Variants in ANKS1B observed in about 807,000 individuals in gnomAD.
ANKS1B encodes ankyrin repeat and sterile alpha motif domain containing 1B.
Under a neutral mutation model 148.3 loss-of-function variants are expected in ANKS1B, and 36 were observed. That is an observed-to-expected ratio of 0.24 (90% CI 0.19 to 0.32). The LOEUF (loss-of-function observed/expected upper bound fraction) is 0.32, where lower values mean the gene tolerates loss of function less well. ANKS1B is among the 10% of genes least tolerant of loss of function. The pLI is 1.00. For synonymous variants in ANKS1B, 542 were observed against 560.8 expected, an observed-to-expected ratio of 0.97 and a Z score of 0.47; for missense variants, 1,157 against 1,542.6, an observed-to-expected ratio of 0.75 and a Z score of 4.19.
intron 14 of ANKS1B, among the ~76,000 whole-genome samples, chr12:99,170,408 G>T (rs569685): frequency 0.84 from 127,242 of 152,196 alleles, 53,653 homozygotes; most frequent in East Asian, 0.99. Context: ...CTTGTTTCTG[G>T]GGGCTTAGTT....
Position 99,371,561 on chromosome 12 carries a change from T to G in ANKS1B, c.1756+28070A>C, listed in dbSNP as rs552732347. 1.1e-4 allele frequency among the ~76,000 whole-genome samples: 17 copies of G among 151,358 alleles called. No individual in the cohort carries two copies. The South Asian group carries it at 3.5e-3, about 31-fold the overall frequency. ...GGTCACAGTACCCAGTATACACATG[T>G]GCACACACACACACACACATATACA... is the stretch of plus-strand genomic sequence containing the variant. On this transcript the variant is annotated intron_variant, in intron 12 of 26. Coordinates refer to ENST00000683438, the MANE Select transcript of ANKS1B (RefSeq NM_001352186.2).
intron 16 of ANKS1B, among the ~76,000 whole-genome samples, chr12:99,083,277 G>C (rs544271243): frequency 1.1e-3 from 162 of 152,268 alleles, no homozygotes; most frequent in African/African-American, 3.5e-3. Context: ...GGATAGGAGA[G>C]TACAAAACCT....
At chr12:99,958,066 G>A (rs965899306) in intron 1 of ANKS1B, among the ~76,000 whole-genome samples, 3 of 152,188 alleles carry the variant, frequency 2.0e-5, no homozygotes, top group African/African-American at 7.2e-5. Context: ...AAGCACCATA[G>A]AGAGAGATCA....
chr12:98,960,057 A>G (rs1323084788), intron 17 of ANKS1B, among the ~76,000 whole-genome samples: 1 of 152,170 alleles, frequency 6.6e-6, no homozygotes, highest in East Asian at 1.9e-4. Flanking sequence ...TGGGGAATTC[A>G]CTGCCCTGAA....
At chr12:98,814,312 CAGAA>C (rs1205039463) in intron 19 of ANKS1B, among the ~76,000 whole-genome samples, 3 of 152,332 alleles carry the variant, frequency 2.0e-5, no homozygotes, top group East Asian at 3.9e-4. Flanking sequence ...GCTTGGAACA[CAGAA>C]GGAACACATT....
intron 9 of ANKS1B, among the ~76,000 whole-genome samples, chr12:99,571,659 A>C (rs539737693): frequency 3.9e-5 from 6 of 152,176 alleles, no homozygotes; most frequent in Non-Finnish European, 8.8e-5. Context: ...ATTGGGGAAT[A>C]CTATTATTCA....
At position 98,744,382 on chromosome 12, in the gene ANKS1B, A is replaced by ACAT; in HGVS notation, c.*1354_*1356dup. 1.1e-6 allele frequency: 1 copy of ACAT among 897,636 alleles called. No homozygotes were observed. 55.6% of individuals were successfully genotyped at this position (897,636 alleles called of 1,614,324 possible). The stretch of plus-strand genomic sequence containing the variant: ...TAAAATAATGTCAGTTAATAAAAAA[A>ACAT]CATTAAGACAATTCCACAATTTATC... On this transcript the variant is annotated 3_prime_UTR_variant, in exon 27 of 27. Coordinates refer to ENST00000683438, the MANE Select transcript of ANKS1B (RefSeq NM_001352186.2).
At chr12:99,630,181 C>T (rs1253074011) in intron 9 of ANKS1B, among the ~76,000 whole-genome samples, 5 of 152,024 alleles carry the variant, frequency 3.3e-5, no homozygotes, top group African/African-American at 1.2e-4. Flanking sequence ...TATGTAAATA[C>T]AGAATTTGTT....
chr12:98,929,326 GAATACGTGAAGATGGTAATACTCCCCCA>G (rs1419285958), intron 17 of ANKS1B, among the ~76,000 whole-genome samples: 1 of 152,028 alleles, frequency 6.6e-6, no homozygotes, highest in Non-Finnish European at 1.5e-5. Context: ...TCAGAAGACT[GAATACGTGAAGATGGTAATACTCCCCCA>G]AATTGATCTA....
chr12:99,255,746 A>G (rs2075180127), intron 12 of ANKS1B, among the ~76,000 whole-genome samples: 1 of 152,186 alleles, frequency 6.6e-6, no homozygotes, highest in Non-Finnish European at 1.5e-5. Flanking sequence ...AGAAACGTGT[A>G]TTTAAATTCA....
chr12:99,458,417 T>A (rs2095881868), intron 10 of ANKS1B, among the ~76,000 whole-genome samples: 1 of 137,640 alleles, frequency 7.3e-6, no homozygotes, highest in Non-Finnish European at 1.6e-5. Context: ...ATAACCAAGA[T>A]CGGAGCAGAA....
chr12:98,921,809 A>C (rs2099801814), intron 17 of ANKS1B, among the ~76,000 whole-genome samples: 1 of 152,212 alleles, frequency 6.6e-6, no homozygotes, highest in Non-Finnish European at 1.5e-5. Flanking sequence ...TAATTTGAAG[A>C]GGTTTTTCAT....
intron 17 of ANKS1B, among the ~76,000 whole-genome samples, chr12:98,927,886 A>G (rs1417896335): frequency 1.3e-5 from 2 of 151,772 alleles, no homozygotes; most frequent in Admixed American, 1.3e-4. Flanking sequence ...GAAAAAGAAG[A>G]GCAAATTAAA....
chr12:99,004,065 G>A (rs774922187), intron 17 of ANKS1B, among the ~76,000 whole-genome samples: 6 of 152,242 alleles, frequency 3.9e-5, no homozygotes, highest in African/African-American at 1.2e-4. Flanking sequence ...TAACTTAAAC[G>A]TGGATGTGAT....
intron 1 of ANKS1B, among the ~76,000 whole-genome samples, chr12:99,913,450 C>G (rs887101815): frequency 6.6e-6 from 1 of 152,018 alleles, no homozygotes; most frequent in African/African-American, 2.4e-5. Context: ...AAGGATTTTC[C>G]TGAGGCCTAA....
intron 10 of ANKS1B, among the ~76,000 whole-genome samples, chr12:99,447,197 G>T (rs2095650217): frequency 6.6e-6 from 1 of 151,984 alleles, no homozygotes; most frequent in Non-Finnish European, 1.5e-5. Context: ...TTTCAAAGGT[G>T]CCAACAACAC....
chr12:99,482,336 G>A (rs945215799), intron 10 of ANKS1B, among the ~76,000 whole-genome samples: 5 of 151,846 alleles, frequency 3.3e-5, no homozygotes, highest in Non-Finnish European at 7.4e-5. Flanking sequence ...TCACTTGGCT[G>A]TATGTATTTG....
intron 17 of ANKS1B, among the ~76,000 whole-genome samples, chr12:98,866,726 A>G (rs1367309209): frequency 6.6e-6 from 1 of 152,164 alleles, no homozygotes; most frequent in Non-Finnish European, 1.5e-5. Flanking sequence ...TGGTCAGCTC[A>G]GTCTCATTTC....
At chr12:99,815,793 T>G (rs1429149491) in intron 2 of ANKS1B, among the ~76,000 whole-genome samples, 1 of 151,950 alleles carries the variant, frequency 6.6e-6, no homozygotes, top group East Asian at 1.9e-4. Context: ...GGCTTCCAGT[T>G]CCATCCAAGT....
Sources: allele counts gnomAD v4.1 joint callset (sites outside exome capture counted in the v4.1 genomes callset), GRCh38; gene constraint gnomAD v4.1.1; transcripts MANE v1.5; gene names NCBI Gene and HGNC (gene_info 2026-07-23, HGNC 2026-07-21).